Variants in KLRG1 observed in about 807,000 individuals in gnomAD.
The protein encoded by KLRG1 is killer cell lectin like receptor G1, also known as killer cell lectin-like receptor subfamily G member 1.
KLRG1 carries 16 observed loss-of-function variants against 21.8 expected under a neutral mutation model. That is an observed-to-expected ratio of 0.73 (90% CI 0.50 to 1.11). KLRG1 has a LOEUF of 1.11. Among genes scored for constraint, KLRG1 ranks in the 50% most tolerant of loss-of-function variants. KLRG1 has a pLI of 0.00. For missense variants in KLRG1, 173 were observed against 218.3 expected (o/e 0.79, Z 1.31); for synonymous variants, 69 against 75.9 (o/e 0.91, Z 0.47).
At chr12:9,088,900 T>C in the KLRG1 span, among the ~76,000 whole-genome samples, 29 of 152,284 alleles carry the variant, frequency 1.9e-4, no homozygotes, top group Admixed American at 6.5e-4. Flanking sequence ...AAACATCCCT[T>C]TTGGTAATAT....
At chr12:9,021,858 T>C in the KLRG1 span, among the ~76,000 whole-genome samples, 1 of 152,204 alleles carries the variant, frequency 6.6e-6, no homozygotes, top group African/African-American at 2.4e-5. Flanking sequence ...ATTATAACAA[T>C]GCCTTCTTCT....
the KLRG1 span, chr12:9,203,879 G>A: frequency 6.2e-7 from 1 of 1,614,120 alleles, no homozygotes; most frequent in Non-Finnish European, 8.5e-7. Context: ...TCTCATTCAG[G>A]TGGCTCAGAA....
chr12:9,101,378 T>C, the KLRG1 span: 1 of 1,402,626 alleles, frequency 7.1e-7, no homozygotes, highest in South Asian at 1.2e-5. Context: ...TCTAAAGAGC[T>C]TCATGATTAC....
the KLRG1 span, chr12:9,106,158 G>T: frequency 1.2e-6 from 1 of 844,832 alleles, no homozygotes; most frequent in East Asian, 2.5e-5. Context: ...ACCAGGCATG[G>T]TTTTAGCACA....
the KLRG1 span, among the ~76,000 whole-genome samples, chr12:9,088,255 G>GT: frequency 0.32 from 46,994 of 147,992 alleles, 7,720 homozygotes; most frequent in Admixed American, 0.36. Context: ...GTGATGTTCT[G>GT]TTTTTTTTTT....
At chr12:9,012,091 T>C (rs1947640000), downstream of KLRG1, among the ~76,000 whole-genome samples, 2 of 152,114 alleles carry the variant, frequency 1.3e-5, no homozygotes, top group African/African-American at 4.8e-5. Flanking sequence ...TATGCTAGGC[T>C]CAGAGCCAGT....
At chr12:9,193,162 A>T in the KLRG1 span, among the ~76,000 whole-genome samples, 2 of 152,208 alleles carry the variant, frequency 1.3e-5, no homozygotes, top group African/African-American at 4.8e-5. Flanking sequence ...AATCCTTAGT[A>T]AATTAGCATT....
the KLRG1 span, among the ~76,000 whole-genome samples, chr12:9,176,125 G>C: frequency 6.6e-6 from 1 of 152,208 alleles, no homozygotes; most frequent in African/African-American, 2.4e-5. Context: ...ATACTATGCA[G>C]CCATAAAAAG....
At chr12:9,018,339 CA>C in the KLRG1 span, among the ~76,000 whole-genome samples, 1 of 151,758 alleles carries the variant, frequency 6.6e-6, no homozygotes, top group Non-Finnish European at 1.5e-5. Context: ...AAAACAAAAA[CA>C]AAACTAGAGG....
At chr12:9,194,070 T>C in the KLRG1 span, 1 of 1,611,110 alleles carries the variant, frequency 6.2e-7, no homozygotes. Context: ...TGTCTTTCTA[T>C]ACTTACCCGG....
At chr12:9,181,226 C>G in the KLRG1 span, 1 of 1,477,936 alleles carries the variant, frequency 6.8e-7, no homozygotes, top group South Asian at 1.2e-5. Flanking sequence ...ATATTCAGTT[C>G]ATATGACTAT....
the KLRG1 span, among the ~76,000 whole-genome samples, chr12:9,120,479 G>C: frequency 0.017 from 2,515 of 152,250 alleles, 77 homozygotes; most frequent in African/African-American, 0.057. Context: ...TTAGGAGGTA[G>C]GTGGGCCTTA....
the KLRG1 span, chr12:9,079,417 T>C: frequency 7.4e-7 from 1 of 1,355,656 alleles, no homozygotes; most frequent in Admixed American, 1.8e-5. Flanking sequence ...TTGGCTTCTC[T>C]TGTGACATTT....
At chr12:9,183,068 A>G in the KLRG1 span, among the ~76,000 whole-genome samples, 1 of 152,240 alleles carries the variant, frequency 6.6e-6, no homozygotes, top group Admixed American at 6.5e-5. Context: ...AATGTAGGAC[A>G]AGGACAATTA....
chr12:9,164,315 C>G, the KLRG1 span: 10 of 1,553,402 alleles, frequency 6.4e-6, no homozygotes, highest in African/African-American at 1.4e-5. Flanking sequence ...ACGACACGAA[C>G]ACATAGAATT....
chr12:9,038,775 T>C, the KLRG1 span, among the ~76,000 whole-genome samples: 1 of 152,014 alleles, frequency 6.6e-6, no homozygotes, highest in Non-Finnish European at 1.5e-5. Context: ...GGCAGGCACG[T>C]GTAATCCCAG....
At chr12:9,198,621 G>A in the KLRG1 span, among the ~76,000 whole-genome samples, 1 of 152,060 alleles carries the variant, frequency 6.6e-6, no homozygotes, top group Non-Finnish European at 1.5e-5. Flanking sequence ...ATAATTAGTG[G>A]GGTTATGTGT....
At chr12:9,202,563 A>C in the KLRG1 span, 78 of 1,614,084 alleles carry the variant, frequency 4.8e-5, 1 homozygote, top group African/African-American at 1.0e-3. Flanking sequence ...GTCTGTCTGG[A>C]CAAAGACCAG....
At chr12:9,053,362 A>G in the KLRG1 span, among the ~76,000 whole-genome samples, 1 of 152,312 alleles carries the variant, frequency 6.6e-6, no homozygotes, top group East Asian at 1.9e-4. Flanking sequence ...ATGGCTAAGA[A>G]TGGGATCCAT....
Sources: gnomAD v4.1 joint callset for allele counts (sites outside exome capture counted in the v4.1 genomes callset) on GRCh38, gnomAD v4.1.1 for gene constraint, MANE v1.5 for transcripts, NCBI Gene and HGNC (gene_info 2026-07-23, HGNC 2026-07-21) for gene names.